Variants in XYLT1 observed in about 807,000 individuals in gnomAD.
XYLT1 encodes beta-D-xylosyltransferase 1.
XYLT1 carries 36 observed loss-of-function variants against 91.3 expected under a neutral mutation model. The observed-to-expected ratio is 0.39, with a 90% CI of 0.30 to 0.52. The LOEUF is 0.52. XYLT1 is among the 20% of genes least tolerant of loss of function. The pLI is 0.68. For synonymous variants in XYLT1, 588 were observed against 532.0 expected (o/e 1.11, Z -1.45); for missense variants, 1,242 against 1,284.5 (o/e 0.97, Z 0.51).
chr16:17,139,193 G>C (rs2030885314), intron 7 of XYLT1, among the ~76,000 whole-genome samples: 1 of 152,222 alleles, frequency 6.6e-6, no homozygotes, highest in Non-Finnish European at 1.5e-5. Context: ...GCCAGAGAGT[G>C]AGAGAAAGAT....
At chr16:17,151,581 G>A (rs2031284446) in intron 6 of XYLT1, among the ~76,000 whole-genome samples, 1 of 152,196 alleles carries the variant, frequency 6.6e-6, no homozygotes, top group Non-Finnish European at 1.5e-5. Flanking sequence ...GGTTGTTGTA[G>A]AAAGAGTGAA....
chr16:17,144,885 A>G (rs2031091997), intron 6 of XYLT1, among the ~76,000 whole-genome samples: 1 of 152,222 alleles, frequency 6.6e-6, no homozygotes, highest in Non-Finnish European at 1.5e-5. Flanking sequence ...CTGTAACAGC[A>G]GTGGTTTAAA....
At chr16:17,408,230 A>C (rs184020136) in intron 1 of XYLT1, among the ~76,000 whole-genome samples, 75 of 152,346 alleles carry the variant, frequency 4.9e-4, no homozygotes, top group African/African-American at 1.8e-3. Flanking sequence ...TAAGGAATAA[A>C]TGATGTTTTG....
chr16:17,159,504 G>C (rs1040521321), intron 5 of XYLT1, among the ~76,000 whole-genome samples: 1 of 152,174 alleles, frequency 6.6e-6, no homozygotes, highest in African/African-American at 2.4e-5. Flanking sequence ...CACGAGGACA[G>C]AGCCCAGCTG....
intron 1 of XYLT1, among the ~76,000 whole-genome samples, chr16:17,412,998 A>C (rs1324699777): frequency 6.6e-6 from 1 of 152,178 alleles, no homozygotes; most frequent in Non-Finnish European, 1.5e-5. Flanking sequence ...GAGATAATAC[A>C]TATAGCCACA....
intron 2 of XYLT1, among the ~76,000 whole-genome samples, chr16:17,317,372 C>G (rs62032043): frequency 0.34 from 51,422 of 151,564 alleles, 9,662 homozygotes; most frequent in Admixed American, 0.53. Context: ...GTGGCTCATG[C>G]CTGTCATCTC....
chr16:17,247,431 G>T (rs1225215345), intron 3 of XYLT1, among the ~76,000 whole-genome samples: 2 of 152,160 alleles, frequency 1.3e-5, no homozygotes, highest in Non-Finnish European at 2.9e-5. Flanking sequence ...ATGCCCACCT[G>T]CAGGCTTCCA....
intron 2 of XYLT1, among the ~76,000 whole-genome samples, chr16:17,285,489 T>C (rs1051620813): frequency 6.6e-6 from 1 of 152,226 alleles, no homozygotes; most frequent in Non-Finnish European, 1.5e-5. Context: ...TGATCCTTCC[T>C]GCCCCATGAC....
At chr16:17,463,754 G>C (rs1055158368) in intron 1 of XYLT1, among the ~76,000 whole-genome samples, 1 of 152,232 alleles carries the variant, frequency 6.6e-6, no homozygotes, top group African/African-American at 2.4e-5. Flanking sequence ...CCAAAGGAAA[G>C]GAAATCAATA....
chr16:17,302,970 G>C (rs555228538), intron 2 of XYLT1, among the ~76,000 whole-genome samples: 2 of 152,098 alleles, frequency 1.3e-5, no homozygotes, highest in East Asian at 1.9e-4. Flanking sequence ...TAATGCAAGG[G>C]GATAAGCTGG....
At chr16:17,464,388 A>G (rs1253168159) in intron 1 of XYLT1, among the ~76,000 whole-genome samples, 1 of 150,984 alleles carries the variant, frequency 6.6e-6, no homozygotes, top group East Asian at 2.0e-4. Context: ...GCTAATCAGG[A>G]GGCTGAGGCA....
chr16:17,363,697 G>A (rs981632027), intron 1 of XYLT1, among the ~76,000 whole-genome samples: 11 of 152,064 alleles, frequency 7.2e-5, no homozygotes, highest in African/African-American at 2.7e-4. Flanking sequence ...TTGCCACCAC[G>A]CCCAGCTAAT....
chr16:17,242,152 A>G (rs2033354620), intron 3 of XYLT1, among the ~76,000 whole-genome samples: 2 of 152,226 alleles, frequency 1.3e-5, no homozygotes, highest in Admixed American at 6.5e-5. Flanking sequence ...TGGGAGTACA[A>G]TTCAAGATGA....
At chr16:17,264,653 T>A (rs1189778488) in intron 2 of XYLT1, among the ~76,000 whole-genome samples, 1 of 152,168 alleles carries the variant, frequency 6.6e-6, no homozygotes, top group African/African-American at 2.4e-5. Context: ...CCATAAAAAA[T>A]AACCATCATA....
Position 17,402,146 on chromosome 16 carries a change from A to C in XYLT1, c.364-44096T>G, listed in dbSNP as rs56183105. On this transcript the variant is annotated intron_variant, in intron 1 of 11. Coordinates refer to ENST00000261381, the MANE Select transcript of XYLT1 (RefSeq NM_022166.4). Reference sequence around the variant, plus strand: ...AAGCCCTGTTTCTACAAAAAAAAAAAACACACACACACACACACAAAAAGT... The same window carrying C: ...AAGCCCTGTTTCTACAAAAAAAAAACACACACACACACACACACAAAAAGT... Among the ~76,000 whole-genome samples, 412 of 132,824 alleles carry C rather than the reference A, an allele frequency of 3.1e-3. 3 individuals carry two copies. The highest frequency in any genetic ancestry group is 0.016 in the South Asian group (72 of 4,428). The allele number at this position is 132,824 out of a possible 152,430, so 87.1% of individuals were successfully genotyped here.
intron 1 of XYLT1, among the ~76,000 whole-genome samples, chr16:17,429,269 T>G (rs762391898): frequency 6.6e-6 from 1 of 152,206 alleles, no homozygotes; most frequent in Non-Finnish European, 1.5e-5. Context: ...TCATTAAAAA[T>G]GGTCTTTCTT....
intron 2 of XYLT1, among the ~76,000 whole-genome samples, chr16:17,327,361 C>CTTTTTT (rs138879762): frequency 1.9e-4 from 20 of 108,028 alleles, no homozygotes; most frequent in Admixed American, 3.1e-4. Context: ...TTTCTTTTTT[C>CTTTTTT]TTTTTTTTTT....
At chr16:17,170,526 C>T (rs557317292) in intron 5 of XYLT1, among the ~76,000 whole-genome samples, 4 of 152,190 alleles carry the variant, frequency 2.6e-5, no homozygotes, top group Non-Finnish European at 5.9e-5. Flanking sequence ...CATACCATCC[C>T]TAATGCCAGA....
intron 3 of XYLT1, among the ~76,000 whole-genome samples, chr16:17,210,867 C>A (rs1182897417): frequency 6.6e-6 from 1 of 152,206 alleles, no homozygotes; most frequent in African/African-American, 2.4e-5. Context: ...GCAAACAAAT[C>A]TTCAGCAGCA....
Sources: gnomAD v4.1 joint callset for allele counts (sites outside exome capture counted in the v4.1 genomes callset) on GRCh38, gnomAD v4.1.1 for gene constraint, MANE v1.5 for transcripts, NCBI Gene and HGNC (gene_info 2026-07-23, HGNC 2026-07-21) for gene names.